Variants in PRKG1 observed in about 807,000 individuals in gnomAD.
PRKG1 encodes the protein cGMP-dependent protein kinase 1.
A neutral mutation model predicts 88.1 loss-of-function variants in PRKG1; 35 were observed. The ratio of observed to expected loss-of-function variants is 0.40; its 90% CI spans 0.30 to 0.53. The LOEUF (loss-of-function observed/expected upper bound fraction) is 0.53. Ranked by LOEUF, PRKG1 falls within the 20% of genes least tolerant of loss-of-function variation. The pLI is 0.59. For missense variants in PRKG1, 540 were observed against 839.8 expected (o/e 0.64, Z 4.41); for synonymous variants, 303 against 292.5 (o/e 1.04, Z -0.37).
At chr10:51,128,030 A>G (rs1019987728) in intron 1 of PRKG1, among the ~76,000 whole-genome samples, 4 of 152,170 alleles carry the variant, frequency 2.6e-5, no homozygotes, top group Non-Finnish European at 4.4e-5. Context: ...AACCTAGATG[A>G]CAGGTTGATA....
At chr10:52,225,334 C>T (rs890585954) in intron 9 of PRKG1, among the ~76,000 whole-genome samples, 35 of 151,660 alleles carry the variant, frequency 2.3e-4, no homozygotes, top group Admixed American at 2.2e-3. Flanking sequence ...TAGGCTTGTT[C>T]GTTTTATTTC....
chr10:51,473,255 A>G (rs77699034), intron 3 of PRKG1, among the ~76,000 whole-genome samples: 1,724 of 152,068 alleles, frequency 0.011, 37 homozygotes, highest in African/African-American at 0.039. Context: ...ATGATGCTAC[A>G]TAACAGACTA....
At chr10:52,170,517 T>C (rs1425779125) in intron 9 of PRKG1, among the ~76,000 whole-genome samples, 2 of 152,220 alleles carry the variant, frequency 1.3e-5, no homozygotes, top group African/African-American at 4.8e-5. Flanking sequence ...GGCTCTCGCT[T>C]ATTGCCACTA....
chr10:51,170,571 G>A (rs1295909437), intron 2 of PRKG1, among the ~76,000 whole-genome samples: 1 of 151,896 alleles, frequency 6.6e-6, no homozygotes, highest in East Asian at 1.9e-4. Context: ...GGTGCTCAGG[G>A]AAGGCCTCTG....
chr10:51,228,649 G>A (rs558133614), intron 2 of PRKG1, among the ~76,000 whole-genome samples: 17 of 152,298 alleles, frequency 1.1e-4, no homozygotes, highest in Admixed American at 5.2e-4. Flanking sequence ...TGGTTTTTAG[G>A]CATGTGGAGT....
intron 3 of PRKG1, among the ~76,000 whole-genome samples, chr10:51,754,312 T>C (rs1000463727): frequency 2.0e-5 from 3 of 152,210 alleles, no homozygotes; most frequent in Non-Finnish European, 2.9e-5. Context: ...TTTGCGCCTA[T>C]TGATAATTCT....
intron 3 of PRKG1, among the ~76,000 whole-genome samples, chr10:51,607,262 A>C (rs1286026404): frequency 2.6e-5 from 4 of 152,234 alleles, no homozygotes; most frequent in African/African-American, 9.6e-5. Flanking sequence ...AGAGGTAGTT[A>C]ATTTTTTACC....
chr10:52,047,010 C>G (rs541416060), intron 5 of PRKG1: 1 of 151,976 alleles, frequency 6.6e-6, no homozygotes, highest in Admixed American at 6.6e-5. Flanking sequence ...TGAGATGTAG[C>G]GCTTAAATAG....
At chr10:51,097,363 C>T (rs545655919) in intron 1 of PRKG1, among the ~76,000 whole-genome samples, 84 of 152,272 alleles carry the variant, frequency 5.5e-4, no homozygotes, top group African/African-American at 2.0e-3. Context: ...GCTGGGATTA[C>T]AGGTGCCTGC....
chr10:51,561,379 A>C (rs1164311417), intron 3 of PRKG1, among the ~76,000 whole-genome samples: 1 of 152,036 alleles, frequency 6.6e-6, no homozygotes, highest in African/African-American at 2.4e-5. Flanking sequence ...ACAGAAAGCT[A>C]TCTTCCCATT....
At chr10:51,416,688 C>T (rs1838248888) in intron 2 of PRKG1, among the ~76,000 whole-genome samples, 1 of 152,054 alleles carries the variant, frequency 6.6e-6, no homozygotes, top group Non-Finnish European at 1.5e-5. Flanking sequence ...GGTGTAAGAA[C>T]GTGGAAATGA....
At chr10:51,384,094 T>C (rs1837187476) in intron 2 of PRKG1, among the ~76,000 whole-genome samples, 2 of 151,068 alleles carry the variant, frequency 1.3e-5, no homozygotes, top group Non-Finnish European at 2.9e-5. Context: ...GAATTCTCTT[T>C]GAAAAAAAAA....
chr10:52,039,114 C>T (rs990385961), intron 5 of PRKG1, among the ~76,000 whole-genome samples: 8 of 152,176 alleles, frequency 5.3e-5, no homozygotes, highest in African/African-American at 1.9e-4. Context: ...CACCAAATTT[C>T]ATGCACGTCC....
intron 2 of PRKG1, among the ~76,000 whole-genome samples, chr10:51,296,841 C>A (rs1840733423): frequency 6.6e-6 from 1 of 151,980 alleles, no homozygotes; most frequent in African/African-American, 2.4e-5. Context: ...GAAATTAAAC[C>A]TAGTTACATT....
chr10:51,421,780 A>T (rs1838422941), intron 2 of PRKG1, among the ~76,000 whole-genome samples: 1 of 152,258 alleles, frequency 6.6e-6, no homozygotes, highest in African/African-American at 2.4e-5. Flanking sequence ...AGTTTGAGTT[A>T]TGTTGCCCAC....
At chr10:51,888,928 T>A (rs1296696484) in intron 4 of PRKG1, among the ~76,000 whole-genome samples, 2 of 152,218 alleles carry the variant, frequency 1.3e-5, no homozygotes, top group East Asian at 3.8e-4. Flanking sequence ...ACTTATTTAA[T>A]GTCACATAGT....
chr10:51,110,040 A>G (rs1266165704), intron 1 of PRKG1, among the ~76,000 whole-genome samples: 2 of 152,142 alleles, frequency 1.3e-5, no homozygotes, highest in Admixed American at 6.6e-5. Flanking sequence ...AATGATTAAT[A>G]TTAAAAGAAT....
At chr10:52,261,709 GA>G (rs1841438306) in intron 10 of PRKG1, among the ~76,000 whole-genome samples, 1 of 152,060 alleles carries the variant, frequency 6.6e-6, no homozygotes, top group African/African-American at 2.4e-5. Context: ...TGGCCAAGGA[GA>G]AAAATAAATC....
intron 1 of PRKG1, among the ~76,000 whole-genome samples, chr10:51,100,662 T>C (rs748369075): frequency 6.6e-6 from 1 of 152,176 alleles, no homozygotes; most frequent in Non-Finnish European, 1.5e-5. Context: ...ACTAAAGACT[T>C]ACAGGTAAGA....
Sources: allele counts gnomAD v4.1 joint callset (sites outside exome capture counted in the v4.1 genomes callset), GRCh38; gene constraint gnomAD v4.1.1; transcripts MANE v1.5; gene names NCBI Gene and HGNC (gene_info 2026-07-23, HGNC 2026-07-21).